KLHL20: variants seen among roughly 807,000 people sequenced by gnomAD.
KLHL20 encodes the protein kelch like family member 20.
A neutral mutation model predicts 69.5 loss-of-function variants in KLHL20; 29 were observed. The observed-to-expected ratio is 0.42, with a 90% CI of 0.31 to 0.57. The LOEUF (loss-of-function observed/expected upper bound fraction) is 0.57. Ranked by LOEUF, KLHL20 falls within the 20% of genes least tolerant of loss-of-function variation. KLHL20 has a pLI of 0.18. For missense variants in KLHL20, 419 were observed against 776.0 expected, an observed-to-expected ratio of 0.54 and a Z score of 5.47; for synonymous variants, 253 against 265.2, an observed-to-expected ratio of 0.95 and a Z score of 0.45.
At chr1:173,727,205 T>TA (rs1672014963) in intron 2 of KLHL20, among the ~76,000 whole-genome samples, 17 of 146,158 alleles carry the variant, frequency 1.2e-4, no homozygotes, top group African/African-American at 4.4e-4. Context: ...GAAAAAAGAA[T>TA]GAAAAAAAAA....
At position 173,722,416 on chromosome 1, in the gene KLHL20, G is replaced by A. The variant is rs1215677028; in HGVS notation, c.23+6350G>A. 3.3e-5 allele frequency among the ~76,000 whole-genome samples: 5 copies of A among 151,980 alleles called. No homozygotes were observed. The East Asian group carries it at 7.9e-4, about 24-fold the overall frequency. On this transcript the variant is annotated intron_variant, in intron 2 of 11. Coordinates refer to ENST00000209884, the MANE Select transcript of KLHL20 (RefSeq NM_014458.4). ...GCAGGAGGATCACTTGAGGCCAGGA[G>A]TTCTAGACCAGCCTGGGAAACAGAG...
At chr1:173,727,865 A>G (rs1439036813) in intron 2 of KLHL20, among the ~76,000 whole-genome samples, 4 of 152,204 alleles carry the variant, frequency 2.6e-5, no homozygotes. Flanking sequence ...TAACCAGCTA[A>G]CATCATAATG....
chr1:173,727,679 C>A (rs754339497), intron 2 of KLHL20, among the ~76,000 whole-genome samples: 7 of 152,080 alleles, frequency 4.6e-5, no homozygotes, highest in Non-Finnish European at 8.8e-5. Context: ...GAAATAAGAT[C>A]CTTTACAGAC....
chr1:173,757,106 G>A lies in KLHL20; in HGVS notation c.1098G>A (p.Leu366=). 6.2e-7 allele frequency: 1 copy of A among 1,614,118 alleles called. No homozygotes were observed. The highest frequency in any genetic ancestry group is 8.5e-7 in the Non-Finnish European group (1 of 1,179,980). Residue 366 remains leucine (L), a synonymous_variant, in exon 7 of 12, where the codon CTG becomes CTA. Transcript: ENST00000209884. The part of the protein sequence containing the change: ...CGVGVSVLDD[L]LYAVGGHDGS... Reference sequence around the variant, plus strand: ...TTGGGGTCAGTGTTCTTGATGATCTGTTATATGCAGTAGGAGGCCATGATG... The same window carrying A: ...TTGGGGTCAGTGTTCTTGATGATCTATTATATGCAGTAGGAGGCCATGATG...
At chr1:173,733,394 A>T (rs977060997) in intron 2 of KLHL20, among the ~76,000 whole-genome samples, 9 of 152,150 alleles carry the variant, frequency 5.9e-5, no homozygotes, top group African/African-American at 1.9e-4. Context: ...CTTAATTTTT[A>T]AAATGGATAA....
intron 10 of KLHL20, among the ~76,000 whole-genome samples, chr1:173,781,333 T>C (rs997345280): frequency 6.6e-6 from 1 of 151,910 alleles, no homozygotes; most frequent in Non-Finnish European, 1.5e-5. Context: ...GGAGATTTTT[T>C]TGAGAGGGTC....
intron 3 of KLHL20, among the ~76,000 whole-genome samples, chr1:173,737,957 T>C (rs1258332511): frequency 2.0e-5 from 3 of 152,036 alleles, no homozygotes; most frequent in African/African-American, 7.2e-5. Flanking sequence ...ATCTTTTTTT[T>C]TTTTTTTGCA....
intron 4 of KLHL20, among the ~76,000 whole-genome samples, chr1:173,752,791 A>G (rs1673369470): frequency 6.6e-6 from 1 of 152,146 alleles, no homozygotes; most frequent in Admixed American, 6.5e-5. Context: ...ATTCGGTGAG[A>G]TCCCAAAACA....
intron 7 of KLHL20, among the ~76,000 whole-genome samples, chr1:173,758,398 C>G (rs1673649664): frequency 6.6e-6 from 1 of 152,172 alleles, no homozygotes; most frequent in Non-Finnish European, 1.5e-5. Flanking sequence ...TAGACTGAAG[C>G]TCCAGACCGG....
chr1:173,774,178 G>A, intron 8 of KLHL20, 127 bp from the exon 9 acceptor site: 1 of 1,105,940 alleles, frequency 9.0e-7, no homozygotes, highest in Non-Finnish European at 1.3e-6. Flanking sequence ...TAAAATGTTA[G>A]ATTTTCATTG....
chr1:173,733,819 C>T lies in KLHL20; in HGVS notation c.130C>T (p.Pro44Ser), dbSNP rs1558188609. 6.8e-6 allele frequency: 11 copies of T among 1,613,976 alleles called. No homozygotes were observed. The highest frequency in any genetic ancestry group is 8.5e-6 in the Non-Finnish European group (10 of 1,180,022). Residue 44 changes from proline to serine, a missense_variant, in exon 3 of 12, where the codon CCC becomes TCC. Physicochemically the swap from Pro to Ser is moderately conservative, Grantham distance 74. Around this residue, in one of 6 missense-constraint regions of KLHL20, gnomAD observed 129 missense variants for 183.6 expected, o/e 0.70. Transcript: ENST00000209884. ...PEGVPQPARMPYISDKHPRQT... is the reference protein window; with the variant it reads ...PEGVPQPARMSYISDKHPRQT... ...AGGGGTTCCCCAACCTGCCCGCATG[C>T]CCTATATCTCAGACAAGCACCCTCG...
intron 7 of KLHL20, among the ~76,000 whole-genome samples, chr1:173,761,176 G>GA (rs2102512853): frequency 6.6e-6 from 1 of 152,318 alleles, no homozygotes; most frequent in East Asian, 1.9e-4. Flanking sequence ...TTGTCCGACA[G>GA]AAAAATATCA....
intron 1 of KLHL20, chr1:173,715,454 A>G (rs1294758274): frequency 2.0e-5 from 3 of 152,372 alleles, no homozygotes; most frequent in African/African-American, 4.8e-5. Context: ...TGAACATTGT[A>G]TCGGGGACTG....
At chr1:173,730,311 T>A (rs1298020799) in intron 2 of KLHL20, among the ~76,000 whole-genome samples, 2 of 152,012 alleles carry the variant, frequency 1.3e-5, no homozygotes, top group Non-Finnish European at 2.9e-5. Context: ...AATTTATAGA[T>A]TCAGTGCCAT....
chr1:173,764,891 T>G (rs1647589800), intron 7 of KLHL20, among the ~76,000 whole-genome samples: 1 of 151,780 alleles, frequency 6.6e-6, no homozygotes, highest in African/African-American at 2.4e-5. Context: ...AAAGAACACA[T>G]CCCAGTTTAA....
intron 7 of KLHL20, among the ~76,000 whole-genome samples, chr1:173,761,631 A>G (rs1399651516): frequency 5.9e-5 from 9 of 152,254 alleles, no homozygotes; most frequent in Admixed American, 5.2e-4. Context: ...CTGCTCCTGC[A>G]TGAGCATTGG....
intron 2 of KLHL20, among the ~76,000 whole-genome samples, chr1:173,719,058 T>C (rs1423899203): frequency 7.5e-6 from 1 of 133,614 alleles, no homozygotes; most frequent in Non-Finnish European, 1.5e-5. Flanking sequence ...TGAGCCGAGA[T>C]TGCGCCACTG....
rs931422903 is a variant in KLHL20, at chr1:173,776,806, C to T, written c.1638+964C>T. On this transcript the variant is annotated intron_variant, in intron 10 of 11. Coordinates refer to ENST00000209884, the MANE Select transcript of KLHL20 (RefSeq NM_014458.4). ...GTCTGTTTTTATTCTAGTCTCATACCGTTTTAGTTACTGTAGCTCTTTAGT... is the reference window on the plus strand; with the variant it reads ...GTCTGTTTTTATTCTAGTCTCATACTGTTTTAGTTACTGTAGCTCTTTAGT... 1.8e-4 allele frequency among the ~76,000 whole-genome samples: 27 copies of T among 152,088 alleles called. 1 individual carries two copies. Among genetic ancestry groups the T allele is most frequent in the Admixed American group, 1.5e-3 (23 of 15,272 alleles).
Position 173,769,700 on chromosome 1 carries a change from A to AT in KLHL20, c.1295+3413dup, listed in dbSNP as rs1339471177. 3.4e-5 allele frequency among the ~76,000 whole-genome samples: 5 copies of AT among 148,364 alleles called. No homozygotes were observed. In the East Asian group the frequency reaches 6.1e-4, roughly 18 times the overall value. On this transcript the variant is annotated intron_variant, in intron 8 of 11. Coordinates refer to ENST00000209884, the MANE Select transcript of KLHL20 (RefSeq NM_014458.4). ...TTACTCAGGAGGCTGAGGTGAGAGG[A>AT]TTGCTGGGAGGTCAAGGCTGCAGTG...
Sources: allele counts gnomAD v4.1 joint callset (sites outside exome capture counted in the v4.1 genomes callset), GRCh38; gene constraint gnomAD v4.1.1; regional missense constraint gnomAD v4.1.1; transcripts MANE v1.5; gene names NCBI Gene and HGNC (gene_info 2026-07-23, HGNC 2026-07-21).